SESTD1: variants seen among roughly 807,000 people sequenced by gnomAD.
SESTD1 encodes SEC14 and spectrin domain containing 1.
SESTD1 carries 43 observed loss-of-function variants against 101.7 expected under a neutral mutation model. That is an observed-to-expected ratio of 0.42 (90% CI 0.33 to 0.55). SESTD1 has a LOEUF of 0.55. Among genes scored for constraint, SESTD1 ranks in the 20% least tolerant of loss-of-function variants. SESTD1 has a pLI of 0.07. For missense variants in SESTD1, 647 were observed against 815.1 expected, an observed-to-expected ratio of 0.79 and a Z score of 2.51; for synonymous variants, 283 against 286.8, an observed-to-expected ratio of 0.99 and a Z score of 0.13.
rs1575415886 is a variant in SESTD1 at position 179,109,483 on chromosome 2, T to G, written c.*416A>C. The G allele has an allele frequency of 2.6e-6, 1 of 379,622 alleles. No homozygotes were observed. The allele number at this position is 379,622 out of a possible 1,614,324, so 23.5% of individuals were successfully genotyped here. A position where few individuals can be genotyped will look rare whatever the true frequency, so the allele number is the denominator to read the frequency against. ...CAAAGTAAAATTTTGAGGACACCAC[T>G]GTCTACTAACAAGAGTTTAACTACT... On this transcript the variant is annotated 3_prime_UTR_variant, in exon 18 of 18. Coordinates refer to ENST00000428443, the MANE Select transcript of SESTD1 (RefSeq NM_178123.5).
chr2:179,176,922 T>C (rs1224261050), intron 3 of SESTD1, among the ~76,000 whole-genome samples: 1 of 152,250 alleles, frequency 6.6e-6, no homozygotes, highest in Non-Finnish European at 1.5e-5. Flanking sequence ...ATATATTTCT[T>C]GTCTCACCTA....
rs71023474 is a variant in SESTD1, at chr2:179,230,113, C to CTTTTTTTTTTTTTTTTTTTTTTTTTTT, written c.-26+34359_-26+34385dup. On this transcript the variant is annotated intron_variant, in intron 1 of 17. Coordinates refer to ENST00000428443, the MANE Select transcript of SESTD1 (RefSeq NM_178123.5). ...AAATATTCCAAACTGGATTGTATCTCTTTTTTTTTTTTTTTTTTTTTTTTT... is the reference window on the plus strand; with the variant it reads ...AAATATTCCAAACTGGATTGTATCTCTTTTTTTTTTTTTTTTTTTTTTTTTTTTTTTTTTTTTTTTTTTTTTTTTTTT... Among the ~76,000 whole-genome samples the CTTTTTTTTTTTTTTTTTTTTTTTTTTT allele has an allele frequency of 7.1e-5, 4 of 56,404 alleles. 2 individuals are homozygous for CTTTTTTTTTTTTTTTTTTTTTTTTTTT. The highest frequency in any genetic ancestry group is 1.3e-4 in the Non-Finnish European group (4 of 29,966). 37.0% of individuals were successfully genotyped at this position (56,404 alleles called of 152,430 possible).
At chr2:179,233,694 T>C (rs889971130) in intron 1 of SESTD1, among the ~76,000 whole-genome samples, 5 of 152,210 alleles carry the variant, frequency 3.3e-5, no homozygotes, top group Admixed American at 6.5e-5. Flanking sequence ...CCTCAACTAC[T>C]CCACCTGCCT....
chr2:179,136,175 T>C (rs2045138908), intron 9 of SESTD1, among the ~76,000 whole-genome samples: 3 of 152,198 alleles, frequency 2.0e-5, no homozygotes, highest in Admixed American at 2.0e-4. Flanking sequence ...TTGAAAGACT[T>C]TGGTTTCTCA....
chr2:179,182,638 T>A (rs920458100), intron 3 of SESTD1, among the ~76,000 whole-genome samples: 6 of 151,954 alleles, frequency 3.9e-5, no homozygotes, highest in Non-Finnish European at 7.4e-5. Flanking sequence ...TAGATTAAAA[T>A]ATAAACAAAC....
intron 2 of SESTD1, among the ~76,000 whole-genome samples, chr2:179,190,544 C>G (rs1375893297): frequency 6.6e-6 from 1 of 151,824 alleles, no homozygotes; most frequent in African/African-American, 2.4e-5. Context: ...AAAAGTAGGA[C>G]GTAATTAAAC....
intron 9 of SESTD1, among the ~76,000 whole-genome samples, chr2:179,134,677 TC>T (rs2045098275): frequency 1.3e-5 from 2 of 152,194 alleles, no homozygotes; most frequent in Non-Finnish European, 2.9e-5. Context: ...ATAGAGATCT[TC>T]TTGGGTCCAA....
intron 3 of SESTD1, among the ~76,000 whole-genome samples, chr2:179,178,938 T>C (rs1040904411): frequency 2.6e-5 from 4 of 152,228 alleles, no homozygotes; most frequent in Non-Finnish European, 5.9e-5. Flanking sequence ...GCAAATACCA[T>C]CTGTAGTGAT....
rs148423636 is a variant in SESTD1, at chr2:179,209,781, A to T, written c.-25-17915T>A. 1.5e-5 allele frequency among the ~76,000 whole-genome samples: 2 copies of T among 134,022 alleles called. 1 individual carries two copies. Among genetic ancestry groups the T allele is most frequent in the African/African-American group, 5.9e-5 (2 of 33,730 alleles). The allele number at this position is 134,022 out of a possible 152,430, so 87.9% of individuals were successfully genotyped here. ...AAAGTCGGAAAGTGCACAAATTGAC[A>T]ATCTAAGTTCACACCTCAAAGAACT... On this transcript the variant is annotated intron_variant, in intron 1 of 17. Transcript: ENST00000428443.
chr2:179,132,170 C>T, intron 10 of SESTD1, 134 bp downstream of exon 10: 1 of 1,053,204 alleles, frequency 9.5e-7, no homozygotes, highest in Non-Finnish European at 1.3e-6. Context: ...ACTTTATGAC[C>T]TCTAGGCACT....
At chr2:179,146,358 A>G in intron 8 of SESTD1, 44 bp downstream of exon 8, 1 of 1,464,926 alleles carries the variant, frequency 6.8e-7, no homozygotes, top group Non-Finnish European at 9.5e-7. Flanking sequence ...AATCAATCCA[A>G]TTGGTTTACT....
intron 1 of SESTD1, among the ~76,000 whole-genome samples, chr2:179,262,239 A>G (rs956693494): frequency 6.6e-6 from 1 of 152,196 alleles, no homozygotes; most frequent in Admixed American, 6.5e-5. Flanking sequence ...ACCAGGTACA[A>G]GGTTCTTTTT....
At chr2:179,216,802 A>G (rs2046727763) in intron 1 of SESTD1, among the ~76,000 whole-genome samples, 1 of 134,824 alleles carries the variant, frequency 7.4e-6, no homozygotes, top group East Asian at 2.0e-4. Flanking sequence ...CCAGTGGAAC[A>G]GAACAGAGGC....
At chr2:179,190,443 G>A (rs1380555392) in intron 2 of SESTD1, among the ~76,000 whole-genome samples, 1 of 151,878 alleles carries the variant, frequency 6.6e-6, no homozygotes, top group Non-Finnish European at 1.5e-5. Flanking sequence ...AATCCTAGAA[G>A]AAAACCTAGG....
chr2:179,249,381 A>G (rs2047281133), intron 1 of SESTD1, among the ~76,000 whole-genome samples: 1 of 152,144 alleles, frequency 6.6e-6, no homozygotes, highest in Non-Finnish European at 1.5e-5. Context: ...CAACGAACAT[A>G]TGAACAATGA....
chr2:179,197,676 T>C (rs1215636911), intron 1 of SESTD1, among the ~76,000 whole-genome samples: 1 of 152,142 alleles, frequency 6.6e-6, no homozygotes, highest in Non-Finnish European at 1.5e-5. Flanking sequence ...AAGAAAAGAA[T>C]TTTCAACCCA....
chr2:179,191,716 A>G, intron 2 of SESTD1, 71 bp downstream of exon 2: 2 of 1,265,092 alleles, frequency 1.6e-6, no homozygotes, highest in South Asian at 2.6e-5. Flanking sequence ...TGCATCTGTC[A>G]TACTTAACAA....
At chr2:179,159,917 C>G (rs952114622) in intron 5 of SESTD1, among the ~76,000 whole-genome samples, 2 of 152,180 alleles carry the variant, frequency 1.3e-5, no homozygotes, top group East Asian at 3.9e-4. Flanking sequence ...TGCAATAGCA[C>G]GATCTCAGCT....
chr2:179,112,723 C>T lies in SESTD1; in HGVS notation c.1961+1G>A. Reference sequence around the variant, plus strand: ...TAAAATTATAAGAACATGCCCCATACCCATCAGGATAAACTACTGGAACAG... The same window carrying T: ...TAAAATTATAAGAACATGCCCCATATCCATCAGGATAAACTACTGGAACAG... On this transcript the variant is annotated splice_donor_variant, in intron 17 of 17. Coordinates refer to ENST00000428443, the MANE Select transcript of SESTD1 (RefSeq NM_178123.5). LOFTEE classifies it high-confidence loss of function. The T allele has an allele frequency of 6.2e-7, 1 of 1,608,026 alleles. No homozygotes were observed. Among genetic ancestry groups the T allele is most frequent in the Non-Finnish European group, 8.5e-7 (1 of 1,178,836 alleles).
Sources: gnomAD v4.1 joint callset for allele counts (sites outside exome capture counted in the v4.1 genomes callset) on GRCh38, gnomAD v4.1.1 for gene constraint, MANE v1.5 for transcripts, NCBI Gene and HGNC (gene_info 2026-07-23, HGNC 2026-07-21) for gene names.